Variants in CSMD1 observed in about 807,000 individuals in gnomAD.
CSMD1 encodes the protein CUB and sushi domain-containing protein 1.
Under a neutral mutation model 417.5 loss-of-function variants are expected in CSMD1, and 213 were observed. The ratio of observed to expected loss-of-function variants is 0.51; its 90% CI spans 0.46 to 0.57. The LOEUF (loss-of-function observed/expected upper bound fraction) is 0.57, where lower values mean the gene tolerates loss of function less well. CSMD1 is among the 20% of genes least tolerant of loss of function. CSMD1 has a pLI of 0.00. For synonymous variants in CSMD1, 2,862 were observed against 1,736.8 expected, an observed-to-expected ratio of 1.65 and a Z score of -16.11; for missense variants, 6,923 against 4,529.7, an observed-to-expected ratio of 1.53 and a Z score of -15.17.
chr8:4,931,592 G>C (rs1436278481), intron 1 of CSMD1, among the ~76,000 whole-genome samples: 1 of 152,094 alleles, frequency 6.6e-6, no homozygotes, highest in Non-Finnish European at 1.5e-5. Context: ...CTGGTTTATA[G>C]CTACGTTATA....
intron 37 of CSMD1, among the ~76,000 whole-genome samples, chr8:3,171,645 G>T (rs572033928): frequency 2.0e-5 from 3 of 152,080 alleles, no homozygotes; most frequent in Admixed American, 2.0e-4. Flanking sequence ...CATAAATTTG[G>T]TAGAAAAACA....
chr8:4,686,128 G>A (rs1465640786), intron 1 of CSMD1, among the ~76,000 whole-genome samples: 2 of 152,096 alleles, frequency 1.3e-5, no homozygotes, highest in Non-Finnish European at 1.5e-5. Flanking sequence ...AATTTGAGAT[G>A]CCAAATTATG....
intron 3 of CSMD1, among the ~76,000 whole-genome samples, chr8:4,307,032 T>C (rs996302173): frequency 1.3e-5 from 2 of 152,100 alleles, no homozygotes; most frequent in African/African-American, 4.8e-5. Context: ...CTGCACCATG[T>C]CCACTGTGGG....
chr8:4,115,183 G>A (rs910639829), intron 3 of CSMD1, among the ~76,000 whole-genome samples: 1 of 152,178 alleles, frequency 6.6e-6, no homozygotes, highest in African/African-American at 2.4e-5. Context: ...AGCTACCCCA[G>A]CCTTCAGCAA....
intron 3 of CSMD1, among the ~76,000 whole-genome samples, chr8:4,386,676 C>G (rs1803475790): frequency 6.6e-6 from 1 of 152,150 alleles, no homozygotes; most frequent in African/African-American, 2.4e-5. Flanking sequence ...ACCTGATGAG[C>G]CCTTGCAGAA....
intron 11 of CSMD1, among the ~76,000 whole-genome samples, chr8:3,485,767 TAAAATAAAATAAAATA>T (rs1563083216): frequency 1.7e-4 from 1 of 5,776 alleles, no homozygotes; most frequent in Non-Finnish European, 3.1e-4. Flanking sequence ...CTCAAAAAAA[TAAAATAAAATAAAATA>T]AAATAAAATA....
At chr8:4,209,048 C>T (rs890613821) in intron 3 of CSMD1, among the ~76,000 whole-genome samples, 1 of 152,172 alleles carries the variant, frequency 6.6e-6, no homozygotes, top group African/African-American at 2.4e-5. Context: ...CTGTCTCTGA[C>T]TTCTTGCTTC....
chr8:4,675,521 G>A (rs574059845), intron 1 of CSMD1, among the ~76,000 whole-genome samples: 2 of 152,126 alleles, frequency 1.3e-5, no homozygotes, highest in East Asian at 3.9e-4. Flanking sequence ...GACTGTAATG[G>A]AGGGACAAGT....
At chr8:4,475,825 C>G (rs776979277) in intron 2 of CSMD1, among the ~76,000 whole-genome samples, 1 of 152,046 alleles carries the variant, frequency 6.6e-6, no homozygotes, top group Non-Finnish European at 1.5e-5. Context: ...GTTGACCAGG[C>G]TGGTCTCAAA....
intron 5 of CSMD1, among the ~76,000 whole-genome samples, chr8:3,936,391 G>C (rs2688303): frequency 0.37 from 56,474 of 151,926 alleles, 11,013 homozygotes; most frequent in East Asian, 0.47. Context: ...GAGAAAAGAA[G>C]TCAATGACTA....
At position 3,386,000 on chromosome 8, in the gene CSMD1, A is replaced by G. The variant is rs147090325; in HGVS notation, c.2782+1494T>C. On this transcript the variant is annotated intron_variant, in intron 18 of 69. Coordinates refer to ENST00000635120, the MANE Select transcript of CSMD1 (RefSeq NM_033225.6). ...AGAATGTACATTTTAGCAATTGTCTAAATTCTTACTGTCTTTCCTGCTGCA... is the reference window on the plus strand; with the variant it reads ...AGAATGTACATTTTAGCAATTGTCTGAATTCTTACTGTCTTTCCTGCTGCA... Among the ~76,000 whole-genome samples, 6 of 152,310 alleles carry G rather than the reference A, an allele frequency of 3.9e-5. No individual in the cohort carries two copies. The East Asian group carries it at 1.2e-3, about 29-fold the overall frequency.
chr8:3,725,277 G>A (rs1372856113), intron 6 of CSMD1, among the ~76,000 whole-genome samples: 2 of 152,162 alleles, frequency 1.3e-5, no homozygotes, highest in South Asian at 2.1e-4. Context: ...AGTTTGGCAG[G>A]TCCAGGGCCA....
intron 3 of CSMD1, among the ~76,000 whole-genome samples, chr8:4,178,073 C>T (rs968033790): frequency 6.6e-6 from 1 of 152,168 alleles, no homozygotes; most frequent in African/African-American, 2.4e-5. Flanking sequence ...CTCACTAACT[C>T]ATTTTATGAG....
chr8:3,872,670 C>T (rs1044903660), intron 5 of CSMD1, among the ~76,000 whole-genome samples: 2 of 152,070 alleles, frequency 1.3e-5, no homozygotes, highest in African/African-American at 4.8e-5. Flanking sequence ...TTCCTGAGCC[C>T]TTCATTCATG....
At chr8:3,562,923 A>T (rs1434942073) in intron 10 of CSMD1, among the ~76,000 whole-genome samples, 1 of 148,612 alleles carries the variant, frequency 6.7e-6, no homozygotes, top group East Asian at 2.0e-4. Context: ...CTTAAAAGTT[A>T]AAAAAAAAAC....
At chr8:4,274,093 T>C (rs961435496) in intron 3 of CSMD1, among the ~76,000 whole-genome samples, 6 of 152,192 alleles carry the variant, frequency 3.9e-5, no homozygotes, top group Non-Finnish European at 8.8e-5. Context: ...TCATTTACTA[T>C]ATGGAACATA....
intron 1 of CSMD1, chr8:4,787,680 A>T: frequency 3.1e-6 from 5 of 1,590,844 alleles, no homozygotes. Context: ...AAGTTTACCC[A>T]CCTAAAGTGG....
intron 50 of CSMD1, among the ~76,000 whole-genome samples, chr8:3,040,929 G>A (rs1047572431): frequency 1.3e-5 from 2 of 152,152 alleles, no homozygotes; most frequent in Admixed American, 1.3e-4. Context: ...GCAGCATCAT[G>A]AACATTTTAA....
chr8:3,733,188 C>T (rs1267704997), intron 6 of CSMD1, among the ~76,000 whole-genome samples: 2 of 147,830 alleles, frequency 1.4e-5, no homozygotes, highest in Non-Finnish European at 3.0e-5. Flanking sequence ...CACACACACA[C>T]ACACACACAC....
Sources: gnomAD v4.1 joint callset for allele counts (sites outside exome capture counted in the v4.1 genomes callset) on GRCh38, gnomAD v4.1.1 for gene constraint, MANE v1.5 for transcripts, NCBI Gene and HGNC (gene_info 2026-07-23, HGNC 2026-07-21) for gene names.